PLPPR1: variants seen among roughly 807,000 people sequenced by gnomAD.
The protein encoded by PLPPR1 is phospholipid phosphatase-related protein type 1.
A neutral mutation model predicts 33.1 loss-of-function variants in PLPPR1; 10 were observed. The ratio of observed to expected loss-of-function variants is 0.30; its 90% confidence interval spans 0.19 to 0.51. The LOEUF (loss-of-function observed/expected upper bound fraction) is 0.51, where lower values mean the gene tolerates loss of function less well. PLPPR1 is among the 20% of genes least tolerant of loss of function. The pLI is 0.97. For missense variants in PLPPR1, 304 were observed against 408.1 expected, an observed-to-expected ratio of 0.74 and a Z score of 2.20; for synonymous variants, 151 against 151.0, an observed-to-expected ratio of 1.00 and a Z score of 0.00.
At chr9:101,216,406 A>G (rs1269846422) in intron 2 of PLPPR1, among the ~76,000 whole-genome samples, 1 of 151,906 alleles carries the variant, frequency 6.6e-6, no homozygotes, top group Non-Finnish European at 1.5e-5. Flanking sequence ...GAGTTGTTTG[A>G]ATTCTTAGAT....
At chr9:101,083,390 A>G (rs1207043991) in intron 1 of PLPPR1, among the ~76,000 whole-genome samples, 1 of 22,370 alleles carries the variant, frequency 4.5e-5, no homozygotes, top group Non-Finnish European at 1.1e-4. Flanking sequence ...CCATCTCAAG[A>G]AAAAAAAAAA....
At chr9:101,122,412 T>G (rs1261085981) in intron 1 of PLPPR1, among the ~76,000 whole-genome samples, 1 of 152,238 alleles carries the variant, frequency 6.6e-6, no homozygotes, top group Non-Finnish European at 1.5e-5. Flanking sequence ...TAAGAGCTTT[T>G]TATCTCACAA....
intron 2 of PLPPR1, among the ~76,000 whole-genome samples, chr9:101,244,550 G>C (rs1340866982): frequency 7.1e-6 from 1 of 140,076 alleles, no homozygotes; most frequent in East Asian, 2.2e-4. Context: ...AAAGTGTTAG[G>C]AGTTTCCATT....
At chr9:101,191,128 AATG>A (rs1438492958) in intron 2 of PLPPR1, among the ~76,000 whole-genome samples, 1 of 152,124 alleles carries the variant, frequency 6.6e-6, no homozygotes, top group Admixed American at 6.5e-5. Context: ...GGTAGTCCAC[AATG>A]ATATTTCTGG....
intron 1 of PLPPR1, among the ~76,000 whole-genome samples, chr9:101,081,939 C>T (rs1286163742): frequency 6.6e-6 from 1 of 152,222 alleles, no homozygotes; most frequent in Non-Finnish European, 1.5e-5. Flanking sequence ...GAAGCACACT[C>T]TTTTCTTTGT....
intron 1 of PLPPR1, among the ~76,000 whole-genome samples, chr9:101,056,753 G>A (rs1377352107): frequency 6.6e-6 from 1 of 152,206 alleles, no homozygotes; most frequent in South Asian, 2.1e-4. Flanking sequence ...GAACTCCAAA[G>A]AAGTAGTTCA....
intron 3 of PLPPR1, among the ~76,000 whole-genome samples, chr9:101,275,844 T>G (rs1285137576): frequency 6.6e-6 from 1 of 152,178 alleles, no homozygotes; most frequent in Non-Finnish European, 1.5e-5. Context: ...AGCTCACATT[T>G]TGTATGCAAG....
chr9:101,062,149 G>GGTT (rs374602198), intron 1 of PLPPR1, among the ~76,000 whole-genome samples: 3 of 148,446 alleles, frequency 2.0e-5, no homozygotes, highest in African/African-American at 7.4e-5. Flanking sequence ...GACAAAATGT[G>GGTT]GTGTGTGTGT....
chr9:101,281,809 C>T (rs1188395802), intron 3 of PLPPR1, among the ~76,000 whole-genome samples: 2 of 152,024 alleles, frequency 1.3e-5, no homozygotes, highest in African/African-American at 2.4e-5. Flanking sequence ...AACAATGATA[C>T]ACCAACAAAT....
chr9:101,309,520 T>C lies in PLPPR1; in HGVS notation c.636+59T>C, dbSNP rs1394906199. The stretch of plus-strand genomic sequence containing the variant: ...GTTTTTGATAGGATGTGTGTCTCCC[T>C]GCCCTGTCTCCATTCTTTCATTGTC... On this transcript the variant is annotated intron_variant, in intron 5 of 7. Transcript: ENST00000374874. 4.5e-6 allele frequency: 7 copies of C among 1,558,632 alleles called. No individual in the cohort carries two copies. In the East Asian group the frequency reaches 6.8e-5, roughly 15 times the overall value.
chr9:101,156,773 G>A (rs912548724), intron 1 of PLPPR1, among the ~76,000 whole-genome samples: 1 of 152,100 alleles, frequency 6.6e-6, no homozygotes, highest in South Asian at 2.1e-4. Context: ...ATGGGAAGAG[G>A]AGAGGGGAAG....
At chr9:101,169,910 C>T (rs1825914718) in intron 1 of PLPPR1, among the ~76,000 whole-genome samples, 1 of 151,272 alleles carries the variant, frequency 6.6e-6, no homozygotes, top group South Asian at 2.1e-4. Context: ...TATCTAGTTG[C>T]AGTAGGCAGA....
intron 2 of PLPPR1, among the ~76,000 whole-genome samples, chr9:101,236,081 T>C (rs999148351): frequency 6.6e-6 from 1 of 151,742 alleles, no homozygotes; most frequent in Non-Finnish European, 1.5e-5. Flanking sequence ...GAATTTCTGG[T>C]AGAGAGACTT....
At chr9:101,084,847 G>A (rs1333612482) in intron 1 of PLPPR1, among the ~76,000 whole-genome samples, 1 of 152,170 alleles carries the variant, frequency 6.6e-6, no homozygotes, top group Non-Finnish European at 1.5e-5. Context: ...ATATGACAGT[G>A]TGACAGGGCC....
chr9:101,254,095 TC>T (rs944901677), intron 2 of PLPPR1, among the ~76,000 whole-genome samples: 1 of 152,068 alleles, frequency 6.6e-6, no homozygotes, highest in African/African-American at 2.4e-5. Flanking sequence ...AGACAGTTTT[TC>T]CATGGACCAG....
rs565165873 is a variant in PLPPR1, at chr9:101,173,731, G to A, written c.-45-11719G>A. 2.0e-5 allele frequency among the ~76,000 whole-genome samples: 3 copies of A among 152,188 alleles called. No homozygotes were observed. In the East Asian group the frequency reaches 5.8e-4, roughly 29 times the overall value. ...TCCTAAATTAGTAGTTCTCCATCAGGGGAAGTCTCCATGCCTTTTTTCTCT... is the reference window on the plus strand; with the variant it reads ...TCCTAAATTAGTAGTTCTCCATCAGAGGAAGTCTCCATGCCTTTTTTCTCT... On this transcript the variant is annotated intron_variant, in intron 1 of 7. Transcript: ENST00000374874.
chr9:101,211,005 G>A (rs1005078046), intron 2 of PLPPR1, among the ~76,000 whole-genome samples: 1 of 152,120 alleles, frequency 6.6e-6, no homozygotes, highest in Non-Finnish European at 1.5e-5. Flanking sequence ...CTGACCTCAC[G>A]ATCCACCTGC....
At chr9:101,312,173 C>T (rs989940323) in intron 5 of PLPPR1, among the ~76,000 whole-genome samples, 3 of 152,218 alleles carry the variant, frequency 2.0e-5, no homozygotes, top group Admixed American at 1.3e-4. Context: ...AAGCTGATCA[C>T]AGCTGTCCTG....
At chr9:101,125,527 C>T in intron 1 of PLPPR1, 1 of 404,830 alleles carries the variant, frequency 2.5e-6, no homozygotes, top group Non-Finnish European at 4.6e-6. Flanking sequence ...CTGGACCCAG[C>T]ACCAGATTGA....
Sources: gnomAD v4.1 joint callset for allele counts (sites outside exome capture counted in the v4.1 genomes callset) on GRCh38, gnomAD v4.1.1 for gene constraint, MANE v1.5 for transcripts, NCBI Gene and HGNC (gene_info 2026-07-23, HGNC 2026-07-21) for gene names.